Variants in EDIL3 observed in about 807,000 individuals in gnomAD.
EDIL3 encodes EGF like and discoidin domains 3.
In EDIL3, 37 loss-of-function variants were observed where a neutral mutation model predicts 67.4. That is an observed-to-expected ratio of 0.55 (90% confidence interval 0.42 to 0.72). The LOEUF (loss-of-function observed/expected upper bound fraction) is 0.72. Ranked by LOEUF, EDIL3 falls within the 30% of genes least tolerant of loss-of-function variation. EDIL3 has a pLI of 0.00. For missense variants in EDIL3, 527 were observed against 586.3 expected, an observed-to-expected ratio of 0.90 and a Z score of 1.04; for synonymous variants, 195 against 196.3, an observed-to-expected ratio of 0.99 and a Z score of 0.05.
In EDIL3 at chr5:84,281,412, G is replaced by C. The variant is rs538493062; in HGVS notation, c.68-27200C>G. 9.9e-5 allele frequency among the ~76,000 whole-genome samples: 15 copies of C among 152,254 alleles called. No individual in the cohort carries two copies. The South Asian group carries it at 2.1e-3, about 21-fold the overall frequency. On this transcript the variant is annotated intron_variant, in intron 1 of 10. Coordinates refer to ENST00000296591, the MANE Select transcript of EDIL3 (RefSeq NM_005711.5). ...CTTTTGCAACCCACATTCCCTTTCA[G>C]TAATGGGCACTCCACTATAGTGCAT...
chr5:84,275,169 C>T (rs1745553312), intron 1 of EDIL3, among the ~76,000 whole-genome samples: 1 of 152,156 alleles, frequency 6.6e-6, no homozygotes, highest in African/African-American at 2.4e-5. Flanking sequence ...TGTACCAAAC[C>T]ACCTACTCCA....
In EDIL3 at chr5:84,336,862, A is replaced by C. The variant is rs554344690; in HGVS notation, c.67+47446T>G. Among the ~76,000 whole-genome samples the C allele has an allele frequency of 2.0e-5, 3 of 152,306 alleles. No individual in the cohort carries two copies. The South Asian group carries it at 6.2e-4, about 32-fold the overall frequency. On this transcript the variant is annotated intron_variant, in intron 1 of 10. Coordinates refer to ENST00000296591, the MANE Select transcript of EDIL3 (RefSeq NM_005711.5). ...TCCTTAAAGTGAGATCTTATCTCAC[A>C]ACTCTGAGACAAATTTTTAAAAAAG...
rs1165921346 is a variant in EDIL3, at chr5:84,254,145, G to A, written c.135C>T (p.Ser45=). 2.5e-6 allele frequency: 4 copies of A among 1,613,008 alleles called. No individual in the cohort carries two copies. In the East Asian group the frequency reaches 8.9e-5, roughly 36 times the overall value. The change falls in exon 2 of 11, where the codon TCC becomes TCT. Residue 45 remains serine, a synonymous_variant. Transcript: ENST00000296591. ...GICLPGLADG[S]FSCECPDGFT... is the part of the protein sequence containing the mutation. ...AGCCATCTGGACACTCACAGGAAAA[G>A]GAACCATCAGCCAATCCTGGCAAAC...
intron 9 of EDIL3, among the ~76,000 whole-genome samples, chr5:84,038,107 A>G (rs890651286): frequency 2.7e-5 from 4 of 149,562 alleles, no homozygotes; most frequent in Non-Finnish European, 4.4e-5. Flanking sequence ...GGTTCAAGCA[A>G]TTCTCGTGCT....
intron 4 of EDIL3, among the ~76,000 whole-genome samples, chr5:84,177,204 C>T (rs962144056): frequency 4.6e-5 from 7 of 151,910 alleles, no homozygotes; most frequent in African/African-American, 9.7e-5. Flanking sequence ...CTTCAAATGC[C>T]AAATTTATAA....
rs192718965 is a variant in EDIL3, at chr5:84,305,464, T to C, written c.68-51252A>G. 1.8e-4 allele frequency among the ~76,000 whole-genome samples: 27 copies of C among 152,350 alleles called. No individual in the cohort carries two copies. The East Asian group carries it at 5.0e-3, about 28-fold the overall frequency. ...TTGATCCCAGGAGCCTTTTTAGATA[T>C]AGGCTGTAATCCACTAGCTAAACGA... On this transcript the variant is annotated intron_variant, in intron 1 of 10. Coordinates refer to ENST00000296591, the MANE Select transcript of EDIL3 (RefSeq NM_005711.5).
chr5:83,994,716 A>G (rs1388924402), intron 9 of EDIL3, among the ~76,000 whole-genome samples: 1 of 152,178 alleles, frequency 6.6e-6, no homozygotes, highest in Non-Finnish European at 1.5e-5. Context: ...AAACATGGAT[A>G]TACTAGGTGT....
At chr5:84,102,796 A>G (rs1476084678) in intron 6 of EDIL3, among the ~76,000 whole-genome samples, 1 of 152,124 alleles carries the variant, frequency 6.6e-6, no homozygotes, top group Non-Finnish European at 1.5e-5. Flanking sequence ...CAATGGCCAT[A>G]CTGCCCAAAG....
At chr5:83,981,413 G>T (rs182198497) in intron 9 of EDIL3, among the ~76,000 whole-genome samples, 25 of 152,124 alleles carry the variant, frequency 1.6e-4, no homozygotes, top group African/African-American at 4.8e-4. Context: ...CATTCTCTGT[G>T]TATGATTACA....
At chr5:84,067,622 T>C (rs1369086133) in intron 6 of EDIL3, among the ~76,000 whole-genome samples, 1 of 152,194 alleles carries the variant, frequency 6.6e-6, no homozygotes, top group African/African-American at 2.4e-5. Context: ...ATCTTCAGAT[T>C]CATGTAAGTG....
At chr5:84,205,121 G>A (rs1159636825) in intron 3 of EDIL3, among the ~76,000 whole-genome samples, 1 of 141,778 alleles carries the variant, frequency 7.1e-6, no homozygotes, top group Admixed American at 7.2e-5. Flanking sequence ...TCACCTTGTT[G>A]CCCAGGCTAG....
chr5:84,354,640 G>A (rs1284188598), intron 1 of EDIL3, among the ~76,000 whole-genome samples: 1 of 136,540 alleles, frequency 7.3e-6, no homozygotes, highest in Non-Finnish European at 1.5e-5. Flanking sequence ...CTGGGCAACA[G>A]AGTGAGACTC....
At chr5:84,374,771 G>C (rs1206126674) in intron 1 of EDIL3, among the ~76,000 whole-genome samples, 1 of 152,026 alleles carries the variant, frequency 6.6e-6, no homozygotes, top group Non-Finnish European at 1.5e-5. Context: ...AAGTTCTCAG[G>C]AGATTAGATG....
intron 4 of EDIL3, among the ~76,000 whole-genome samples, chr5:84,157,104 TG>T (rs980892004): frequency 9.2e-5 from 14 of 152,236 alleles, no homozygotes; most frequent in East Asian, 5.8e-4. Context: ...GCTCTAAGGA[TG>T]TTTTTTTACC....
At chr5:84,118,047 A>G (rs1034550347) in intron 5 of EDIL3, among the ~76,000 whole-genome samples, 2 of 152,198 alleles carry the variant, frequency 1.3e-5, no homozygotes, top group African/African-American at 2.4e-5. Context: ...AGCAGGATAT[A>G]GTCATTCTTT....
At chr5:84,014,966 A>G (rs964201098) in intron 9 of EDIL3, among the ~76,000 whole-genome samples, 2 of 152,220 alleles carry the variant, frequency 1.3e-5, no homozygotes, top group Non-Finnish European at 2.9e-5. Context: ...AAGGTTGGAC[A>G]GAGTGCACAG....
At chr5:84,084,367 T>C (rs1339038790) in intron 6 of EDIL3, among the ~76,000 whole-genome samples, 3 of 152,196 alleles carry the variant, frequency 2.0e-5, no homozygotes, top group Non-Finnish European at 4.4e-5. Context: ...TTTTATTTTT[T>C]GATTTCATTA....
chr5:84,245,143 A>C (rs2112064600), intron 2 of EDIL3, among the ~76,000 whole-genome samples: 1 of 152,174 alleles, frequency 6.6e-6, no homozygotes, highest in African/African-American at 2.4e-5. Flanking sequence ...TATTAACTAA[A>C]CTCTTCACTC....
At chr5:84,041,586 A>T (rs1334150487) in intron 9 of EDIL3, among the ~76,000 whole-genome samples, 2 of 134,324 alleles carry the variant, frequency 1.5e-5, no homozygotes, top group East Asian at 3.9e-4. Context: ...TGTATATACT[A>T]TATATGTATA....
Sources: gnomAD v4.1 joint callset for allele counts (sites outside exome capture counted in the v4.1 genomes callset) on GRCh38, gnomAD v4.1.1 for gene constraint, MANE v1.5 for transcripts, NCBI Gene and HGNC (gene_info 2026-07-23, HGNC 2026-07-21) for gene names.